MAPK8IP1: variants seen among roughly 807,000 people sequenced by gnomAD.
MAPK8IP1 encodes mitogen-activated protein kinase 8 interacting protein 1, also known as C-Jun-amino-terminal kinase-interacting protein 1.
A neutral mutation model predicts 72.6 loss-of-function variants in MAPK8IP1; 17 were observed. The observed-to-expected ratio is 0.23, with a 90% confidence interval of 0.16 to 0.35. MAPK8IP1 has a LOEUF of 0.35. Ranked by LOEUF, MAPK8IP1 falls within the 10% of genes least tolerant of loss-of-function variation. The pLI, the probability that MAPK8IP1 is intolerant of heterozygous loss-of-function variation, is 1.00. For synonymous variants in MAPK8IP1, 401 were observed against 443.4 expected, an observed-to-expected ratio of 0.90 and a Z score of 1.20; for missense variants, 789 against 1,009.7, an observed-to-expected ratio of 0.78 and a Z score of 2.96.
At chr11:45,899,588 C>A (rs1402083140) in intron 2 of MAPK8IP1, among the ~76,000 whole-genome samples, 1 of 152,216 alleles carries the variant, frequency 6.6e-6, no homozygotes, top group Non-Finnish European at 1.5e-5. Context: ...GGCCCCGGGC[C>A]AGCTGGCTTA....
chr11:45,889,167 T>C (rs576531177), intron 1 of MAPK8IP1, among the ~76,000 whole-genome samples: 1 of 152,330 alleles, frequency 6.6e-6, no homozygotes, highest in East Asian at 1.9e-4. Context: ...TTCTTATATA[T>C]CTTATACATA....
chr11:45,888,822 C>T (rs2086546318), intron 1 of MAPK8IP1, among the ~76,000 whole-genome samples: 1 of 152,228 alleles, frequency 6.6e-6, no homozygotes, highest in Middle Eastern at 3.4e-3. Flanking sequence ...GCCTCAGCTT[C>T]CCAAGTAGCT....
At chr11:45,905,410 G>A (rs575999605) in intron 11 of MAPK8IP1, among the ~76,000 whole-genome samples, 161 bp downstream of exon 11, 107 of 152,296 alleles carry the variant, frequency 7.0e-4, no homozygotes, top group African/African-American at 2.4e-3. Flanking sequence ...AGGGTGGCGC[G>A]GCAGGGTGAG....
At chr11:45,894,711 G>A (rs970114418) in intron 1 of MAPK8IP1, among the ~76,000 whole-genome samples, 2 of 152,224 alleles carry the variant, frequency 1.3e-5, no homozygotes, top group Non-Finnish European at 2.9e-5. Context: ...AGGACTCAGT[G>A]TATGCAGGAT....
intron 1 of MAPK8IP1, among the ~76,000 whole-genome samples, chr11:45,894,455 A>G (rs189803213): frequency 6.6e-6 from 1 of 151,830 alleles, no homozygotes; most frequent in Admixed American, 6.5e-5. Flanking sequence ...TATTCTTTCT[A>G]GCATTGCCCA....
rs1372774812 is a variant in MAPK8IP1, at chr11:45,905,041, A to G, written c.1964A>G (p.Lys655Arg). The G allele has an allele frequency of 6.2e-7, 1 of 1,613,926 alleles. No individual in the cohort carries two copies. The highest frequency in any genetic ancestry group is 8.5e-7 in the Non-Finnish European group (1 of 1,180,012). ...TGCGGATATCATCCAAAGAACAACA[A>G]GTAAGTGGGGGTGGGATGGCAGTGG... The part of the protein sequence containing the change: ...SFCGYHPKNN[K>R]YFGFITKHPA... The change falls in exon 10 of 12, where the codon AAG becomes AGG. Residue 655 changes from lysine to arginine, a missense_variant and splice_region_variant. This residue lies in a region of MAPK8IP1 where 188 missense variants were observed against 293.3 expected (regional missense o/e 0.64). Coordinates refer to ENST00000241014, the MANE Select transcript of MAPK8IP1 (RefSeq NM_005456.4).
At chr11:45,886,774 C>T (rs2086530934) in intron 1 of MAPK8IP1, among the ~76,000 whole-genome samples, 2 of 152,152 alleles carry the variant, frequency 1.3e-5, no homozygotes, top group African/African-American at 4.8e-5. Context: ...GCCGAAGTCA[C>T]TGCTCCCGGC....
chr11:45,893,925 A>C (rs577613408), intron 1 of MAPK8IP1, among the ~76,000 whole-genome samples: 14 of 152,028 alleles, frequency 9.2e-5, no homozygotes, highest in East Asian at 7.7e-4. Flanking sequence ...GGGAGGCCAG[A>C]ACATCTGGTG....
At chr11:45,894,664 G>C (rs1478528685) in intron 1 of MAPK8IP1, among the ~76,000 whole-genome samples, 1 of 152,234 alleles carries the variant, frequency 6.6e-6, no homozygotes, top group Non-Finnish European at 1.5e-5. Context: ...TGGAGGCAGA[G>C]GCTGTCCTGT....
At chr11:45,898,327 CAT>C in intron 2 of MAPK8IP1, 137 bp downstream of exon 2, 2 of 650,644 alleles carry the variant, frequency 3.1e-6, no homozygotes, top group Admixed American at 2.1e-5. Context: ...GTGCAAGAAA[CAT>C]AGGTATACTG....
chr11:45,905,118 C>T (rs376923005), intron 10 of MAPK8IP1, 33 bp from the exon 11 acceptor site: 6 of 1,611,562 alleles, frequency 3.7e-6, no homozygotes, highest in East Asian at 2.2e-5. Flanking sequence ...GGGCCGAGCC[C>T]CCGTCCCAGC....
chr11:45,886,798 C>T (rs1209831443), intron 1 of MAPK8IP1, among the ~76,000 whole-genome samples: 4 of 152,108 alleles, frequency 2.6e-5, no homozygotes, highest in African/African-American at 9.7e-5. Context: ...GAGAGGGAGG[C>T]TTAGACATAC....
chr11:45,896,521 T>G, intron 1 of MAPK8IP1: 1 of 1,077,792 alleles, frequency 9.3e-7, no homozygotes, highest in Non-Finnish European at 1.1e-6. Flanking sequence ...GACAGGGGCA[T>G]TGGAAGGGCA....
Position 45,904,828 on chromosome 11 carries a change from G to A in MAPK8IP1, c.1887G>A (p.Glu629=). 1.2e-6 allele frequency: 2 copies of A among 1,614,082 alleles called. No individual in the cohort carries two copies. Among genetic ancestry groups the A allele is most frequent in the South Asian group, 1.1e-5 (1 of 91,082 alleles). The part of the protein sequence containing the change: ...KIGVKADDSQ[E]AKGNKCSHFF... The stretch of plus-strand genomic sequence containing the variant: ...GCGTCAAGGCCGATGACTCCCAGGA[G>A]GCCAAGGTGACTTCTTCCAACCCAG... The change falls in exon 9 of 12, where the codon GAG becomes GAA. Residue 629 remains glutamate, a synonymous_variant. Transcript: ENST00000241014. This position sits in a 1 kb window ranked among gnomAD's most constrained non-coding sequence, Gnocchi z 6.4.
rs2086638254 is a variant in MAPK8IP1 at position 45,900,088 on chromosome 11, T to TCGGCCCCGCCC, written c.208-37_208-27dup. ...CGGGCGGGGGGCGGTGCAAGCGGCC[T>TCGGCCCCGCCC]CGGCCCCGCCCCGGCCCCGCCCCCT... On this transcript the variant is annotated intron_variant, in intron 2 of 11. Transcript: ENST00000241014. The surrounding 1 kb of genome is among the most constrained non-coding windows in gnomAD (Gnocchi z 6.5). 4 of 1,126,466 alleles carry TCGGCCCCGCCC rather than the reference T, an allele frequency of 3.6e-6. No individual in the cohort carries two copies. The highest frequency in any genetic ancestry group is 4.4e-6 in the Non-Finnish European group (4 of 909,296). The allele number at this position is 1,126,466 out of a possible 1,614,324, so 69.8% of individuals were successfully genotyped here.
intron 1 of MAPK8IP1, among the ~76,000 whole-genome samples, chr11:45,890,069 A>T (rs1223612941): frequency 1.3e-5 from 2 of 152,196 alleles, no homozygotes; most frequent in Non-Finnish European, 2.9e-5. Flanking sequence ...ATTTCAGCTT[A>T]GGCCTGGTGG....
intron 1 of MAPK8IP1, among the ~76,000 whole-genome samples, chr11:45,892,054 T>G (rs1193836587): frequency 6.6e-6 from 1 of 152,230 alleles, no homozygotes; most frequent in Non-Finnish European, 1.5e-5. Flanking sequence ...GGGTTGTCCC[T>G]CGGGGCTCAT....
At chr11:45,899,796 A>G (rs2086635044) in intron 2 of MAPK8IP1, among the ~76,000 whole-genome samples, 1 of 152,092 alleles carries the variant, frequency 6.6e-6, no homozygotes. Flanking sequence ...CTTGGCGACC[A>G]CTGAGTCCCC....
At position 45,906,410 on chromosome 11, in the gene MAPK8IP1, C is replaced by G; in HGVS notation, c.*689C>G. ...GCTTCCTGACTGACACAGGCCAGCC[C>G]CATCTTGGTCCTGTCACCCTGGCCC... is the stretch of plus-strand genomic sequence containing the variant. On this transcript the variant is annotated 3_prime_UTR_variant, in exon 12 of 12. Transcript: ENST00000241014. 4.2e-6 allele frequency: 4 copies of G among 951,764 alleles called. No homozygotes were observed. The highest frequency in any genetic ancestry group is 5.9e-6 in the Non-Finnish European group (4 of 676,598). 59.0% of individuals were successfully genotyped at this position (951,764 alleles called of 1,614,324 possible).
Sources: gnomAD v4.1 joint callset for allele counts (sites outside exome capture counted in the v4.1 genomes callset) on GRCh38, gnomAD v4.1.1 for gene constraint, gnomAD v4.1.1 regional missense constraint, Gnocchi (gnomAD v3.1) non-coding constraint, MANE v1.5 for transcripts, NCBI Gene and HGNC (gene_info 2026-07-23, HGNC 2026-07-21) for gene names.